Variants in AGBL4 observed in about 807,000 individuals in gnomAD.
AGBL4 encodes cytosolic carboxypeptidase 6.
In AGBL4, 58 loss-of-function variants were observed where a neutral mutation model predicts 66.4. The observed-to-expected ratio is 0.87, with a 90% CI of 0.71 to 1.09. AGBL4 has a LOEUF of 1.09. Among genes scored for constraint, AGBL4 ranks in the 50% least tolerant of loss-of-function variants. The pLI is 0.00. For synonymous variants in AGBL4, 234 were observed against 222.9 expected (o/e 1.05, Z -0.44); for missense variants, 579 against 631.0 (o/e 0.92, Z 0.88).
chr1:48,773,988 C>A (rs559521132), intron 6 of AGBL4, among the ~76,000 whole-genome samples: 1 of 152,244 alleles, frequency 6.6e-6, no homozygotes, highest in Non-Finnish European at 1.5e-5. Context: ...TGTAAAGTCC[C>A]ACAGCAGTCG....
chr1:49,101,380 G>T lies in AGBL4; in HGVS notation c.378-55580C>A, dbSNP rs947133793. Among the ~76,000 whole-genome samples, 6 of 152,160 alleles carry T rather than the reference G, an allele frequency of 3.9e-5. No individual in the cohort carries two copies. The Middle Eastern group carries it at 0.01, about 259-fold the overall frequency. On this transcript the variant is annotated intron_variant, in intron 4 of 13. Transcript: ENST00000371839. ...TTTTTGTATTTTTAATAGAGGCAAG[G>T]TTTCGCCATGTTGGCTAGGCTGGTC...
At chr1:49,560,222 A>G (rs1359096894) in intron 3 of AGBL4, among the ~76,000 whole-genome samples, 1 of 152,188 alleles carries the variant, frequency 6.6e-6, no homozygotes, top group African/African-American at 2.4e-5. Flanking sequence ...AAAGAAATCC[A>G]AGATAACACG....
At chr1:49,935,304 C>T (rs893015984) in intron 1 of AGBL4, among the ~76,000 whole-genome samples, 1 of 152,248 alleles carries the variant, frequency 6.6e-6, no homozygotes, top group African/African-American at 2.4e-5. Context: ...ATTGCCCAGG[C>T]TTGCTTAGAT....
rs1175535428 is a variant in AGBL4, at chr1:48,896,767, T to G, written c.595-29537A>C. Among the ~76,000 whole-genome samples, 4 of 49,466 alleles carry G rather than the reference T, an allele frequency of 8.1e-5. No individual in the cohort carries two copies. In the South Asian group the frequency reaches 4.7e-3, roughly 58 times the overall value. The allele number at this position is 49,466 out of a possible 152,430, so 32.5% of individuals were successfully genotyped here. A position where few individuals can be genotyped will look rare whatever the true frequency, so the allele number is the denominator to read the frequency against. On this transcript the variant is annotated intron_variant, in intron 5 of 13. Coordinates refer to ENST00000371839, the MANE Select transcript of AGBL4 (RefSeq NM_032785.4). The stretch of plus-strand genomic sequence containing the variant: ...GTCCAAAAGGTAGAGAATATAATTT[T>G]CCTTTCTTTCTTTTTTTTTACTAGT...
At chr1:48,527,551 C>T in the AGBL4 span, among the ~76,000 whole-genome samples, 2 of 150,640 alleles carry the variant, frequency 1.3e-5, no homozygotes, top group African/African-American at 2.5e-5. Context: ...GAGCTGAGAT[C>T]GTGCCACTGT....
chr1:49,434,526 A>C (rs1175019206), intron 3 of AGBL4, among the ~76,000 whole-genome samples: 1 of 152,180 alleles, frequency 6.6e-6, no homozygotes, highest in Non-Finnish European at 1.5e-5. Context: ...GATTGAGAGA[A>C]ACTGCTCTGC....
chr1:49,185,946 C>A (rs1274773430), intron 4 of AGBL4, among the ~76,000 whole-genome samples: 1 of 152,080 alleles, frequency 6.6e-6, no homozygotes, highest in African/African-American at 2.4e-5. Context: ...TGAACTCTAG[C>A]CCTGTGCCCG....
At chr1:48,858,098 T>A (rs1032690796) in intron 6 of AGBL4, among the ~76,000 whole-genome samples, 2 of 152,006 alleles carry the variant, frequency 1.3e-5, no homozygotes, top group Admixed American at 1.3e-4. Flanking sequence ...TCATTAGACA[T>A]CAGAAAAAAT....
chr1:49,875,678 G>A (rs1646980792), intron 1 of AGBL4, among the ~76,000 whole-genome samples: 1 of 144,406 alleles, frequency 6.9e-6, no homozygotes, highest in Admixed American at 7.0e-5. Flanking sequence ...ACCCAGTAAT[G>A]GGATGGCTGG....
At chr1:48,832,404 T>A (rs1278614317) in intron 6 of AGBL4, among the ~76,000 whole-genome samples, 2 of 152,162 alleles carry the variant, frequency 1.3e-5, no homozygotes, top group East Asian at 3.9e-4. Flanking sequence ...TCTAAGGTAA[T>A]CATGTTTTCT....
chr1:49,452,655 A>G (rs1358378244), intron 3 of AGBL4, among the ~76,000 whole-genome samples: 1 of 151,850 alleles, frequency 6.6e-6, no homozygotes, highest in Admixed American at 6.6e-5. Context: ...ACTCTAATAG[A>G]CAGAATTAAT....
Position 49,714,671 on chromosome 1 carries a change from T to A in AGBL4, c.158-17234A>T, listed in dbSNP as rs74486432. ...ACATCACATTTTCTTTGTCCAATCA[T>A]CCATTCATGGACTCTTGGATTGATT... On this transcript the variant is annotated intron_variant, in intron 2 of 13. Transcript: ENST00000371839. Among the ~76,000 whole-genome samples, 617 of 151,396 alleles carry A rather than the reference T, an allele frequency of 4.1e-3. 5 individuals are homozygous for A. Among genetic ancestry groups the A allele is most frequent in the Non-Finnish European group, 7.3e-3 (495 of 67,852 alleles).
At chr1:48,675,278 C>T (rs1646346568) in intron 6 of AGBL4, among the ~76,000 whole-genome samples, 1 of 152,210 alleles carries the variant, frequency 6.6e-6, no homozygotes, top group Non-Finnish European at 1.5e-5. Flanking sequence ...CCCTCTCTCC[C>T]CTCCCTAGAC....
At chr1:49,759,855 G>A (rs1240099944) in intron 2 of AGBL4, among the ~76,000 whole-genome samples, 3 of 152,134 alleles carry the variant, frequency 2.0e-5, no homozygotes, top group Non-Finnish European at 1.5e-5. Flanking sequence ...AAGAAGCCAG[G>A]TATAAAATTC....
At chr1:48,804,935 A>C (rs1018230778) in intron 6 of AGBL4, among the ~76,000 whole-genome samples, 1 of 152,176 alleles carries the variant, frequency 6.6e-6, no homozygotes, top group East Asian at 1.9e-4. Context: ...ATTCTCTTTG[A>C]TAGTCAGAGA....
At chr1:49,072,067 C>T (rs1030228691) in intron 4 of AGBL4, among the ~76,000 whole-genome samples, 16 of 152,096 alleles carry the variant, frequency 1.1e-4, no homozygotes, top group Non-Finnish European at 2.4e-4. Context: ...GACTGCAACA[C>T]CTGCTTTTCT....
At chr1:48,753,253 T>C (rs968846021) in intron 6 of AGBL4, among the ~76,000 whole-genome samples, 2 of 152,214 alleles carry the variant, frequency 1.3e-5, no homozygotes, top group Admixed American at 1.3e-4. Flanking sequence ...TGTCTGTATG[T>C]AGTGGGCTTT....
chr1:49,395,879 A>G (rs112562006), intron 3 of AGBL4, among the ~76,000 whole-genome samples: 8,529 of 142,496 alleles, frequency 0.06, 929 homozygotes, highest in African/African-American at 0.21. Flanking sequence ...ATATATAGCC[A>G]GTGGTCCATA....
chr1:49,933,879 G>A (rs988472233), intron 1 of AGBL4, among the ~76,000 whole-genome samples: 2 of 151,978 alleles, frequency 1.3e-5, no homozygotes, highest in African/African-American at 4.8e-5. Context: ...AATCAGACAG[G>A]ACACAATTAA....
Sources: allele counts gnomAD v4.1 joint callset (sites outside exome capture counted in the v4.1 genomes callset), GRCh38; gene constraint gnomAD v4.1.1; transcripts MANE v1.5; gene names NCBI Gene and HGNC (gene_info 2026-07-23, HGNC 2026-07-21).